Variants in CCZ1B observed in about 807,000 individuals in gnomAD.
CCZ1B encodes the protein vacuolar fusion protein CCZ1 homolog B.
CCZ1B carries 25 observed loss-of-function variants against 58.8 expected under a neutral mutation model. That is an observed-to-expected ratio of 0.43 (90% CI 0.31 to 0.59). The LOEUF (loss-of-function observed/expected upper bound fraction) is 0.59. Ranked by LOEUF, CCZ1B falls within the 20% of genes least tolerant of loss-of-function variation. The pLI is 0.12. For missense variants in CCZ1B, 180 were observed against 501.5 expected, an observed-to-expected ratio of 0.36 and a Z score of 6.12; for synonymous variants, 66 against 173.2, an observed-to-expected ratio of 0.38 and a Z score of 4.86.
chr7:6,823,594 C>A (rs1783148693), intron 4 of CCZ1B, among the ~76,000 whole-genome samples: 2 of 139,808 alleles, frequency 1.4e-5, no homozygotes, highest in Non-Finnish European at 1.5e-5. Context: ...TCCTGGCTCA[C>A]TGCAACATTT....
At chr7:6,823,147 T>C (rs1295895969) in intron 5 of CCZ1B, among the ~76,000 whole-genome samples, 166 bp downstream of exon 5, 1 of 149,056 alleles carries the variant, frequency 6.7e-6, no homozygotes, top group African/African-American at 2.5e-5. Flanking sequence ...TGAATAAATG[T>C]AGGCATAAAC....
intron 1 of CCZ1B, among the ~76,000 whole-genome samples, chr7:6,825,148 G>A (rs1480341083): frequency 1.3e-5 from 2 of 149,890 alleles, no homozygotes; most frequent in Non-Finnish European, 3.0e-5. Context: ...ATACACCAAT[G>A]CTTGTAAGAA....
chr7:6,815,615 T>C (rs111877873), intron 7 of CCZ1B, among the ~76,000 whole-genome samples: 7,943 of 145,702 alleles, frequency 0.055, 87 homozygotes, highest in East Asian at 0.21. Context: ...TGGTGCTTTT[T>C]TCTTTAACAT....
In CCZ1B at chr7:6,818,296, C is replaced by T. The variant is rs771030525; in HGVS notation, c.698+1470G>A. On this transcript the variant is annotated intron_variant, in intron 7 of 14. Transcript: ENST00000316731. ...AGGTGCGGTGGCTCACACCTGTAAT[C>T]GCGGCACTTTGGGAGGCCAATGCAG... 4.7e-5 allele frequency among the ~76,000 whole-genome samples: 7 copies of T among 149,888 alleles called. No individual in the cohort carries two copies. In the East Asian group the frequency reaches 1.2e-3, roughly 25 times the overall value.
intron 6 of CCZ1B, among the ~76,000 whole-genome samples, chr7:6,822,057 A>G (rs1178840028): frequency 6.7e-6 from 1 of 149,562 alleles, no homozygotes; most frequent in Non-Finnish European, 1.5e-5. Context: ...AGCCCCGGGC[A>G]AACGCAGGAA....
chr7:6,815,957 G>C (rs997901729), intron 7 of CCZ1B, among the ~76,000 whole-genome samples: 1 of 145,594 alleles, frequency 6.9e-6, no homozygotes, highest in Non-Finnish European at 1.5e-5. Context: ...GTGATCCTAG[G>C]TCTCAGAAAT....
At chr7:6,800,340 A>G (rs542497307) in intron 14 of CCZ1B, among the ~76,000 whole-genome samples, 1,519 of 135,492 alleles carry the variant, frequency 0.011, 51 homozygotes, top group African/African-American at 0.04. Context: ...CCTACAAAAG[A>G]TATGTTTTTA....
chr7:6,812,215 G>C, intron 9 of CCZ1B, 152 bp from the exon 10 acceptor site: 1 of 793,222 alleles, frequency 1.3e-6, no homozygotes. Context: ...CCGGCTGGGC[G>C]TGGTGGCTCA....
In CCZ1B at chr7:6,816,643, G is replaced by A. The variant is rs553083969; in HGVS notation, c.699-1798C>T. On this transcript the variant is annotated intron_variant, in intron 7 of 14. Transcript: ENST00000316731. ...AACTCCTGGCTCAAGCGATCCTTCT[G>A]CCTCCTCCTCCCCAGTAGCTGGGAC... Among the ~76,000 whole-genome samples, 6 of 150,812 alleles carry A rather than the reference G, an allele frequency of 4.0e-5. No homozygotes were observed. The South Asian group carries it at 1.3e-3, about 32-fold the overall frequency.
rs1297791767 is a variant in CCZ1B at position 6,824,438 on chromosome 7, A to T, written c.312+17T>A. ...TCACCATACAATTTCAGAAAGATAC[A>T]CTGTGTGTGTAAATACCATGACCAT... is the stretch of plus-strand genomic sequence containing the variant. On this transcript the variant is annotated intron_variant, in intron 3 of 14. Transcript: ENST00000316731. 4 of 1,604,294 alleles carry T rather than the reference A, an allele frequency of 2.5e-6. No individual in the cohort carries two copies. The highest frequency in any genetic ancestry group is 3.4e-6 in the Non-Finnish European group (4 of 1,176,708).
chr7:6,804,286 G>A (rs1468986018), intron 12 of CCZ1B, among the ~76,000 whole-genome samples: 1 of 123,226 alleles, frequency 8.1e-6, no homozygotes, highest in African/African-American at 3.1e-5. Flanking sequence ...AGCCGGGCAT[G>A]GTGGTGCACG....
chr7:6,823,099 T>C (rs1405842277), intron 5 of CCZ1B, among the ~76,000 whole-genome samples: 1 of 148,728 alleles, frequency 6.7e-6, no homozygotes, highest in Non-Finnish European at 1.5e-5. Context: ...ACATTCCTAC[T>C]ATAAGGCTGA....
intron 5 of CCZ1B, among the ~76,000 whole-genome samples, chr7:6,822,813 C>T (rs1479129978): frequency 2.8e-5 from 4 of 143,562 alleles, no homozygotes; most frequent in African/African-American, 1.1e-4. Context: ...GCGATCCTCC[C>T]ACCTCAGCCT....
chr7:6,821,480 A>G (rs1239528825), intron 6 of CCZ1B, among the ~76,000 whole-genome samples: 4 of 152,310 alleles, frequency 2.6e-5, no homozygotes, highest in Non-Finnish European at 5.9e-5. Context: ...AAGAAAAGTA[A>G]TTCAGAGAAA....
At position 6,824,663 on chromosome 7, in the gene CCZ1B, A is replaced by T; in HGVS notation, c.195T>A (p.Cys65Ter). Residue 65 changes from cysteine to a stop codon, truncating the protein, a stop_gained, in exon 2 of 15, where the codon TGT becomes TGA. Transcript: ENST00000316731. LOFTEE classifies it high-confidence loss of function. Reference sequence around the variant, plus strand: ...ACCTTGTAAACTGTACAATAGCTTCACACAATCCGACATTTCTAATCTTCT... The same window carrying T: ...ACCTTGTAAACTGTACAATAGCTTCTCACAATCCGACATTTCTAATCTTCT... ...KNEKIRNVGL[C>*]EAIVQFTRTF... 2 of 1,611,642 alleles carry T rather than the reference A, an allele frequency of 1.2e-6. No individual in the cohort carries two copies. Among genetic ancestry groups the T allele is most frequent in the Non-Finnish European group, 1.7e-6 (2 of 1,179,512 alleles).
intron 10 of CCZ1B, among the ~76,000 whole-genome samples, chr7:6,810,946 G>C (rs116223942): frequency 2.0e-5 from 3 of 150,418 alleles, no homozygotes; most frequent in East Asian, 1.9e-4. Context: ...CTGTCTGGAA[G>C]AAAGAAATGC....
At chr7:6,823,596 G>C (rs1342435357) in intron 4 of CCZ1B, among the ~76,000 whole-genome samples, 1 of 133,306 alleles carries the variant, frequency 7.5e-6, no homozygotes, top group East Asian at 2.2e-4. Flanking sequence ...CTGGCTCACT[G>C]CAACATTTGC....
At chr7:6,825,663 A>ACACACC (rs1382609979) in intron 1 of CCZ1B, among the ~76,000 whole-genome samples, 1 of 125,058 alleles carries the variant, frequency 8.0e-6, no homozygotes, top group Non-Finnish European at 1.7e-5. Flanking sequence ...ACACACACAC[A>ACACACC]CCCCTCCCGA....
At chr7:6,813,752 A>T (rs1188826871) in intron 8 of CCZ1B, among the ~76,000 whole-genome samples, 1 of 149,500 alleles carries the variant, frequency 6.7e-6, no homozygotes, top group Non-Finnish European at 1.5e-5. Flanking sequence ...TAAAACATCT[A>T]CTGAAAATTA....
Sources: allele counts gnomAD v4.1 joint callset (sites outside exome capture counted in the v4.1 genomes callset), GRCh38; gene constraint gnomAD v4.1.1; transcripts MANE v1.5; gene names NCBI Gene and HGNC (gene_info 2026-07-23, HGNC 2026-07-21).